Variants in RSU1 observed in about 807,000 individuals in gnomAD.
RSU1 encodes the protein rsu-1.
A neutral mutation model predicts 31.1 loss-of-function variants in RSU1; 26 were observed. That is an observed-to-expected ratio of 0.84 (90% CI 0.61 to 1.16). The LOEUF is 1.16. Among genes scored for constraint, RSU1 ranks in the 50% most tolerant of loss-of-function variants. The probability of loss-of-function intolerance (pLI) is 0.00; values close to 1 mark genes in which losing one functional copy is unlikely to be tolerated. For missense variants in RSU1, 320 were observed against 339.1 expected (o/e 0.94, Z 0.44); for synonymous variants, 164 against 136.3 (o/e 1.20, Z -1.41).
At chr10:16,710,409 T>C (rs969410361) in intron 7 of RSU1, among the ~76,000 whole-genome samples, 29 of 152,238 alleles carry the variant, frequency 1.9e-4, no homozygotes, top group Admixed American at 1.2e-3. Flanking sequence ...AGTTTGTTAA[T>C]ATCTTATTAA....
intron 3 of RSU1, among the ~76,000 whole-genome samples, chr10:16,769,238 G>A (rs1422893045): frequency 6.6e-6 from 1 of 152,220 alleles, no homozygotes; most frequent in Non-Finnish European, 1.5e-5. Flanking sequence ...ACAACTCAAA[G>A]CATTTTAGGA....
At chr10:16,673,193 G>A (rs1027485486) in intron 8 of RSU1, among the ~76,000 whole-genome samples, 10 of 152,176 alleles carry the variant, frequency 6.6e-5, no homozygotes, top group South Asian at 2.1e-4. Flanking sequence ...TGGGAGAAGC[G>A]TTCATCTCCG....
chr10:16,627,128 G>A (rs1834172053), intron 8 of RSU1, among the ~76,000 whole-genome samples: 1 of 152,202 alleles, frequency 6.6e-6, no homozygotes, highest in East Asian at 1.9e-4. Flanking sequence ...TCTAGTGTGA[G>A]TAGCTAGAAC....
rs1835292542 is a variant in RSU1 at position 16,679,690 on chromosome 10, CT to C, written c.731+15332del. 2.0e-5 allele frequency among the ~76,000 whole-genome samples: 3 copies of C among 152,200 alleles called. No individual in the cohort carries two copies. In the South Asian group the frequency reaches 6.2e-4, roughly 32 times the overall value. On this transcript the variant is annotated intron_variant, in intron 8 of 8. Coordinates refer to ENST00000345264, the MANE Select transcript of RSU1 (RefSeq NM_012425.4). ...TATCTCTGCTGGGATGTAACCCGGC[CT>C]TGTCTTTCTGGGTCCATTCCCAGCA...
chr10:16,630,493 C>T (rs748445382), intron 8 of RSU1, among the ~76,000 whole-genome samples: 10 of 152,178 alleles, frequency 6.6e-5, no homozygotes, highest in African/African-American at 9.7e-5. Context: ...ATCAATCTTG[C>T]GTCACACAGC....
chr10:16,701,139 G>A (rs1362118561), intron 7 of RSU1, among the ~76,000 whole-genome samples: 1 of 152,184 alleles, frequency 6.6e-6, no homozygotes, highest in East Asian at 1.9e-4. Context: ...AGAATTCCAT[G>A]TTAACAGTAT....
chr10:16,670,120 T>A (rs11815336), intron 8 of RSU1, among the ~76,000 whole-genome samples: 14,462 of 152,240 alleles, frequency 0.095, 1,314 homozygotes, highest in African/African-American at 0.23. Context: ...TAAGTTGTTT[T>A]CTAAGCTGAC....
intron 2 of RSU1, among the ~76,000 whole-genome samples, chr10:16,803,773 A>C (rs2131673978): frequency 6.6e-6 from 1 of 152,326 alleles, no homozygotes; most frequent in Non-Finnish European, 1.5e-5. Context: ...GATGGACATC[A>C]ACACACACAC....
chr10:16,675,759 A>T (rs571296694), intron 8 of RSU1, among the ~76,000 whole-genome samples: 2 of 152,354 alleles, frequency 1.3e-5, no homozygotes, highest in African/African-American at 4.8e-5. Context: ...TTGAGTAGAA[A>T]GTAATTTTTC....
chr10:16,805,404 G>T (rs1838244813), intron 2 of RSU1, among the ~76,000 whole-genome samples: 1 of 152,258 alleles, frequency 6.6e-6, no homozygotes, highest in South Asian at 2.1e-4. Context: ...GGGAGCGGTG[G>T]CTCACGCCTG....
At chr10:16,746,590 G>C (rs187886421) in intron 7 of RSU1, among the ~76,000 whole-genome samples, 1 of 151,622 alleles carries the variant, frequency 6.6e-6, no homozygotes, top group Non-Finnish European at 1.5e-5. Context: ...CGGTCTCATC[G>C]GCAGGTGAGA....
In RSU1 at chr10:16,752,996, G is replaced by T; in HGVS notation, c.405C>A (p.Thr135=). 8 of 1,613,748 alleles carry T rather than the reference G, an allele frequency of 5.0e-6. No individual in the cohort carries two copies. Among genetic ancestry groups the T allele is most frequent in the Non-Finnish European group, 5.9e-6 (7 of 1,179,692 alleles). Residue 135 remains threonine (T), a synonymous_variant, in exon 6 of 9, where the codon ACC becomes ACA. Coordinates refer to ENST00000345264, the MANE Select transcript of RSU1 (RefSeq NM_012425.4). ...TGTCACTTAGATAGAGTGCACGCAG[G>T]GTGGCTGCAAATTAAACAGCAATAT... ...SLPGNFFYLT[T]LRALYLSDND... is the part of the protein sequence containing the mutation.
At chr10:16,785,451 C>T (rs1030846695) in intron 2 of RSU1, among the ~76,000 whole-genome samples, 1 of 138,588 alleles carries the variant, frequency 7.2e-6, no homozygotes, top group Non-Finnish European at 1.5e-5. Context: ...CACATATATA[C>T]ATATATACAT....
rs1034844374 is a variant in RSU1 at position 16,692,614 on chromosome 10, G to A, written c.731+2409C>T. ...AATTAGAGCCCCATCTAAAACTCAC[G>A]ATAGCAATGATTAACAATTTACAAA... On this transcript the variant is annotated intron_variant, in intron 8 of 8. Transcript: ENST00000345264. Among the ~76,000 whole-genome samples, 11 of 152,148 alleles carry A rather than the reference G, an allele frequency of 7.2e-5. No homozygotes were observed. The South Asian group carries it at 8.3e-4, about 11-fold the overall frequency.
intron 8 of RSU1, among the ~76,000 whole-genome samples, chr10:16,625,145 C>T (rs139788292): frequency 3.3e-3 from 497 of 152,202 alleles, no homozygotes; most frequent in African/African-American, 0.011. Flanking sequence ...AGGCAGAATC[C>T]GTCACTTGTA....
intron 7 of RSU1, among the ~76,000 whole-genome samples, chr10:16,743,756 A>G (rs1438372652): frequency 6.6e-6 from 1 of 152,206 alleles, no homozygotes; most frequent in Non-Finnish European, 1.5e-5. Context: ...GTCTAAAAAA[A>G]TTAACTTTTT....
At chr10:16,738,059 G>A (rs997730873) in intron 7 of RSU1, among the ~76,000 whole-genome samples, 5 of 152,172 alleles carry the variant, frequency 3.3e-5, no homozygotes, top group African/African-American at 1.2e-4. Context: ...TCTTACAAAA[G>A]AAAATATTTG....
intron 7 of RSU1, among the ~76,000 whole-genome samples, chr10:16,703,575 G>A (rs148643954): frequency 4.6e-5 from 7 of 152,092 alleles, no homozygotes; most frequent in Non-Finnish European, 7.4e-5. Flanking sequence ...TCATAATTAT[G>A]AGACACTCAG....
intron 8 of RSU1, among the ~76,000 whole-genome samples, chr10:16,687,260 C>T (rs1359289258): frequency 1.3e-5 from 2 of 152,094 alleles, no homozygotes; most frequent in South Asian, 4.2e-4. Context: ...CACCTTTGAC[C>T]TTCATAGGAT....
Sources: allele counts gnomAD v4.1 joint callset (sites outside exome capture counted in the v4.1 genomes callset), GRCh38; gene constraint gnomAD v4.1.1; transcripts MANE v1.5; gene names NCBI Gene and HGNC (gene_info 2026-07-23, HGNC 2026-07-21).